The following NLGN1 variants were observed in gnomAD, a reference collection of about 807,000 sequenced individuals.
The protein encoded by NLGN1 is neuroligin-1.
NLGN1 carries 12 observed loss-of-function variants against 65.5 expected under a neutral mutation model. That is an observed-to-expected ratio of 0.18 (90% CI 0.12 to 0.30). The LOEUF (loss-of-function observed/expected upper bound fraction) is 0.30. Ranked by LOEUF, NLGN1 falls within the 10% of genes least tolerant of loss-of-function variation. The probability of loss-of-function intolerance (pLI) is 1.00; values close to 1 mark genes in which losing one functional copy is unlikely to be tolerated. For missense variants in NLGN1, 750 were observed against 1,007.1 expected (o/e 0.74, Z 3.46); for synonymous variants, 350 against 359.5 (o/e 0.97, Z 0.30).
chr3:173,426,691 G>T (rs1716174562), intron 1 of NLGN1, among the ~76,000 whole-genome samples: 1 of 151,900 alleles, frequency 6.6e-6, no homozygotes, highest in Non-Finnish European at 1.5e-5. Flanking sequence ...TGATCATGAT[G>T]AATAATCTTT....
the NLGN1 span, among the ~76,000 whole-genome samples, chr3:174,291,761 C>T: frequency 6.6e-6 from 1 of 151,028 alleles, no homozygotes; most frequent in South Asian, 2.1e-4. Context: ...AGAAAAAGAC[C>T]TGTAGACAAA....
At chr3:173,987,316 A>C (rs1368876713) in intron 4 of NLGN1, among the ~76,000 whole-genome samples, 1 of 152,164 alleles carries the variant, frequency 6.6e-6, no homozygotes, top group Non-Finnish European at 1.5e-5. Context: ...TGTTATTTCA[A>C]ATTCACTTTG....
At position 174,012,902 on chromosome 3, in the gene NLGN1, T is replaced by A. The variant is rs562795809; in HGVS notation, c.646+205070T>A. ...GCTTCAATTTCTTTGAGGATTTTGA[T>A]CTGATGTTAAGTTGCCAAAGCAGAA... On this transcript the variant is annotated intron_variant, in intron 4 of 6. Coordinates refer to ENST00000457714, the Ensembl canonical transcript of NLGN1. Among the ~76,000 whole-genome samples the A allele has an allele frequency of 2.0e-5, 3 of 152,290 alleles. No individual in the cohort carries two copies. In the South Asian group the frequency reaches 6.2e-4, roughly 32 times the overall value.
intron 3 of NLGN1, among the ~76,000 whole-genome samples, chr3:173,684,380 T>G (rs1393450): frequency 0.24 from 37,132 of 152,088 alleles, 4,864 homozygotes; most frequent in African/African-American, 0.34. Flanking sequence ...AACACATTTG[T>G]CAAGGATAAA....
At chr3:174,102,595 C>A (rs193027469) in intron 4 of NLGN1, among the ~76,000 whole-genome samples, 1 of 152,106 alleles carries the variant, frequency 6.6e-6, no homozygotes, top group African/African-American at 2.4e-5. Context: ...AATAAAAACT[C>A]TTCTGGTTAA....
chr3:174,149,805 A>G lies in NLGN1; in HGVS notation c.647-125510A>G, dbSNP rs148520664. On this transcript the variant is annotated intron_variant, in intron 4 of 6. Coordinates refer to ENST00000457714, the Ensembl canonical transcript of NLGN1. ...TAGCATAGAAAACCTGGATAAGCAC[A>G]TCACTGAGGTTGGGTATTAAATTGG... Among the ~76,000 whole-genome samples the G allele has an allele frequency of 2.0e-5, 3 of 152,264 alleles. No homozygotes were observed. The East Asian group carries it at 5.8e-4, about 29-fold the overall frequency.
chr3:173,448,507 A>G (rs1305174221), intron 2 of NLGN1, among the ~76,000 whole-genome samples: 1 of 152,178 alleles, frequency 6.6e-6, no homozygotes, highest in African/African-American at 2.4e-5. Context: ...CATCAAGGAT[A>G]TTGGTCTAAA....
chr3:173,423,787 A>T (rs1333839967), intron 1 of NLGN1, among the ~76,000 whole-genome samples: 1 of 152,180 alleles, frequency 6.6e-6, no homozygotes, highest in Non-Finnish European at 1.5e-5. Context: ...AGCTGTTGGC[A>T]GATCTCCCTT....
intron 2 of NLGN1, among the ~76,000 whole-genome samples, chr3:173,511,361 A>G (rs779306523): frequency 1.5e-4 from 23 of 152,122 alleles, no homozygotes; most frequent in Non-Finnish European, 2.9e-4. Context: ...CCCTGAACTC[A>G]GTTGGTACCT....
At chr3:173,878,671 C>T (rs1732636996) in intron 4 of NLGN1, among the ~76,000 whole-genome samples, 1 of 149,054 alleles carries the variant, frequency 6.7e-6, no homozygotes. Context: ...TATACACATA[C>T]ATATATAAGT....
At chr3:173,466,141 A>G (rs1202378964) in intron 2 of NLGN1, among the ~76,000 whole-genome samples, 1 of 152,226 alleles carries the variant, frequency 6.6e-6, no homozygotes. Flanking sequence ...AAAAGATGAA[A>G]GACATATTCA....
intron 4 of NLGN1, among the ~76,000 whole-genome samples, chr3:173,994,877 A>G (rs1385371948): frequency 1.3e-5 from 2 of 152,190 alleles, no homozygotes; most frequent in East Asian, 3.9e-4. Context: ...GAAATGTTTG[A>G]AACTTTACCC....
chr3:173,413,254 A>G (rs619092), intron 1 of NLGN1, among the ~76,000 whole-genome samples: 84,473 of 151,794 alleles, frequency 0.56, 25,127 homozygotes, highest in East Asian at 0.81. Context: ...GGAAGTTCAT[A>G]TATTTTTTGT....
At chr3:173,943,141 A>G (rs1746455823) in intron 4 of NLGN1, among the ~76,000 whole-genome samples, 1 of 152,014 alleles carries the variant, frequency 6.6e-6, no homozygotes, top group South Asian at 2.1e-4. Context: ...TTGGAGGGTC[A>G]TCTGAGCCCT....
At chr3:173,673,745 A>G (rs192556417) in intron 3 of NLGN1, among the ~76,000 whole-genome samples, 155 of 152,276 alleles carry the variant, frequency 1.0e-3, no homozygotes, top group African/African-American at 3.6e-3. Context: ...TTTTAAGTAC[A>G]TATGTTAATG....
intron 2 of NLGN1, among the ~76,000 whole-genome samples, chr3:173,516,739 A>C (rs897567188): frequency 1.3e-5 from 2 of 152,062 alleles, no homozygotes; most frequent in African/African-American, 4.8e-5. Context: ...TTTTCATGGT[A>C]TTCTCTATCA....
exon 3 of NLGN1, chr3:173,604,979 A>G (rs1560038329): frequency 1.2e-6 from 2 of 1,613,760 alleles, no homozygotes; most frequent in Non-Finnish European, 1.7e-6. Context: ...GCAGATTGCC[A>G]GAAGTCATGC....
intron 2 of NLGN1, among the ~76,000 whole-genome samples, chr3:173,515,787 T>C (rs994872298): frequency 6.6e-6 from 1 of 152,090 alleles, no homozygotes; most frequent in Non-Finnish European, 1.5e-5. Flanking sequence ...TTTAATATTT[T>C]ATTTTTATAC....
intron 2 of NLGN1, among the ~76,000 whole-genome samples, chr3:173,551,653 T>C (rs1502475): frequency 0.56 from 85,561 of 151,684 alleles, 24,051 homozygotes; most frequent in East Asian, 0.8. Flanking sequence ...AAGAGAAAAC[T>C]TTTTATGGAG....
Sources: allele counts gnomAD v4.1 joint callset (sites outside exome capture counted in the v4.1 genomes callset), GRCh38; gene constraint gnomAD v4.1.1; transcripts MANE v1.5; gene names NCBI Gene and HGNC (gene_info 2026-07-23, HGNC 2026-07-21).